SGSM3: variants seen among roughly 807,000 people sequenced by gnomAD.
SGSM3 encodes RUN and SH3 containing 3.
In SGSM3, 96 loss-of-function variants were observed where a neutral mutation model predicts 100.5. The observed-to-expected ratio is 0.96, with a 90% CI of 0.81 to 1.13. SGSM3 has a LOEUF of 1.13. Among genes scored for constraint, SGSM3 ranks in the 50% most tolerant of loss-of-function variants. The pLI, the probability that SGSM3 is intolerant of heterozygous loss-of-function variation, is 0.00. For synonymous variants in SGSM3, 483 were observed against 422.8 expected, an observed-to-expected ratio of 1.14 and a Z score of -1.75; for missense variants, 1,001 against 1,015.8, an observed-to-expected ratio of 0.99 and a Z score of 0.20.
rs763580667 is a variant in SGSM3 at position 40,405,881 on chromosome 22, G to A, written c.814+37G>A. 6 of 1,584,720 alleles carry A rather than the reference G, an allele frequency of 3.8e-6. No individual in the cohort carries two copies. The East Asian group carries it at 1.1e-4, about 30-fold the overall frequency. Reference sequence around the variant, plus strand: ...CTGAGCCACTGGCTCCCATTCTGCAGCTTGGAGGACTCAGGCGGGTGGCCG... The same window carrying A: ...CTGAGCCACTGGCTCCCATTCTGCAACTTGGAGGACTCAGGCGGGTGGCCG... On this transcript the variant is annotated intron_variant, in intron 8 of 21. Transcript: ENST00000248929.
intron 4 of SGSM3, among the ~76,000 whole-genome samples, chr22:40,402,998 G>T (rs1252650097): frequency 1.3e-5 from 2 of 152,136 alleles, no homozygotes; most frequent in Non-Finnish European, 2.9e-5. Flanking sequence ...AGTTTTCCTT[G>T]TTCTTCTGAT....
chr22:40,404,176 G>A (rs894284875), intron 4 of SGSM3, 71 bp from the exon 5 acceptor site: 86 of 1,321,414 alleles, frequency 6.5e-5, no homozygotes, highest in South Asian at 4.7e-4. Flanking sequence ...TCCTGAAGAC[G>A]GAGGCTTGGC....
chr22:40,405,171 A>T lies in SGSM3; in HGVS notation c.505A>T (p.Ser169Cys). 1.3e-6 allele frequency: 2 copies of T among 1,569,942 alleles called. No homozygotes were observed. The highest frequency in any genetic ancestry group is 1.7e-6 in the Non-Finnish European group (2 of 1,157,236). ...GAAGGACCTGCTCCGCACCATGCCC[A>T]GCAACGCCTGCTTCGCCAGCATGGG... Reference protein sequence around the residue: ...IEKDLLRTMPSNACFASMGSI... With the variant: ...IEKDLLRTMPCNACFASMGSI... Residue 169 changes from serine to cysteine, a missense_variant, in exon 7 of 22, where the codon AGC (serine) becomes TGC (cysteine). By Grantham distance (112) the Ser-to-Cys change is moderately radical (BLOSUM62 -1). Transcript: ENST00000248929.
chr22:40,388,053 G>T (rs1473821177), intron 1 of SGSM3: 2 of 152,212 alleles, frequency 1.3e-5, no homozygotes, highest in Admixed American at 1.3e-4. Context: ...CTGTCACAAA[G>T]AAAATATTGA....
Position 40,406,497 on chromosome 22 carries a change from C to A in SGSM3, c.1020C>A (p.Ile340=), listed in dbSNP as rs137975783. ...CCATCTTCAACACGCTATCGGATAT[C>A]CCGTCGCAGATGGAGGACGCGGAGC... ...SASIFNTLSD[I]PSQMEDAELL... The change falls in exon 10 of 22, where the codon ATC becomes ATA. Residue 340 remains isoleucine, a synonymous_variant. Coordinates refer to ENST00000248929, the MANE Select transcript of SGSM3 (RefSeq NM_015705.6). The A allele has an allele frequency of 1.2e-6, 2 of 1,611,306 alleles. No homozygotes were observed. Among genetic ancestry groups the A allele is most frequent in the South Asian group, 1.1e-5 (1 of 90,914 alleles).
At position 40,386,327 on chromosome 22, in the gene SGSM3, T is replaced by C. The variant is rs569286328; in HGVS notation, c.-111-14369T>C. ...CAGCATTATTAAGTGTGAAATAATA[T>C]AAAGATATGGACTGCTTAACCCTAA... On this transcript the variant is annotated intron_variant, in intron 1 of 21. Transcript: ENST00000248929. Among the ~76,000 whole-genome samples, 4 of 152,300 alleles carry C rather than the reference T, an allele frequency of 2.6e-5. No individual in the cohort carries two copies. In the South Asian group the frequency reaches 8.3e-4, roughly 32 times the overall value.
rs2051679753 is a variant in SGSM3, at chr22:40,407,139, G to A, written c.1241-62G>A. The A allele has an allele frequency of 6.2e-7, 1 of 1,611,998 alleles. No homozygotes were observed. Among genetic ancestry groups the A allele is most frequent in the Admixed American group, 1.7e-5 (1 of 59,764 alleles). On this transcript the variant is annotated intron_variant, in intron 11 of 21. Coordinates refer to ENST00000248929, the MANE Select transcript of SGSM3 (RefSeq NM_015705.6). This position sits in a 1 kb window ranked among gnomAD's most constrained non-coding sequence, Gnocchi z 4.7. ...TCTGTCCTCACGCTCATGTGGACGT[G>A]GAGCTTCCTCCTCGGGGGCCTGGAG...
chr22:40,409,661 G>T, intron 21 of SGSM3, 21 bp from the exon 22 acceptor site: 1 of 1,613,278 alleles, frequency 6.2e-7, no homozygotes, highest in Non-Finnish European at 8.5e-7. Context: ...CCTGTGAGGT[G>T]AGGGGCTGCC....
intron 3 of SGSM3, 77 bp from the exon 4 acceptor site, chr22:40,402,062 C>G: frequency 8.8e-7 from 1 of 1,136,438 alleles, no homozygotes; most frequent in Non-Finnish European, 1.3e-6. Context: ...GCAGGCAACC[C>G]TGTGGGTGGC....
intron 1 of SGSM3, among the ~76,000 whole-genome samples, chr22:40,372,200 C>T (rs1368833763): frequency 7.3e-6 from 1 of 137,702 alleles, no homozygotes; most frequent in Non-Finnish European, 1.5e-5. Context: ...GATCTCGGCT[C>T]ACTGCAAGCT....
At chr22:40,371,980 G>A (rs112310939) in intron 1 of SGSM3, among the ~76,000 whole-genome samples, 4 of 152,238 alleles carry the variant, frequency 2.6e-5, no homozygotes, top group African/African-American at 7.2e-5. Context: ...GATTACAGGC[G>A]TGAGCCACTG....
chr22:40,387,688 CT>C (rs780023637), intron 1 of SGSM3, among the ~76,000 whole-genome samples: 8 of 152,148 alleles, frequency 5.3e-5, no homozygotes, highest in Non-Finnish European at 1.0e-4. Context: ...TCCCCCACCC[CT>C]GGTAGTGGGA....
At chr22:40,374,898 G>C (rs2046298744) in intron 1 of SGSM3, among the ~76,000 whole-genome samples, 2 of 152,108 alleles carry the variant, frequency 1.3e-5, no homozygotes, top group African/African-American at 4.8e-5. Context: ...CAAACACATT[G>C]TACCAGTACT....
At chr22:40,398,995 T>G (rs1384603504) in intron 1 of SGSM3, among the ~76,000 whole-genome samples, 1 of 139,372 alleles carries the variant, frequency 7.2e-6, no homozygotes, top group Non-Finnish European at 1.5e-5. Flanking sequence ...CTTTACTTTT[T>G]TTTTTTGAGA....
Position 40,408,339 on chromosome 22 carries a change from C to T in SGSM3, c.1692C>T (p.Leu564=). ...TCACAGACCTCGTGCGAGGGACCCT[C>T]TGCCCGGCCCTTAAGGCCCTGTTCG... The part of the protein sequence containing the change: ...EGVTDLVRGT[L]CPALKALFEH... Residue 564 remains leucine (L), a synonymous_variant, in exon 16 of 22, where the codon CTC becomes CTT. Transcript: ENST00000248929. 6 of 1,613,592 alleles carry T rather than the reference C, an allele frequency of 3.7e-6. No individual in the cohort carries two copies. Among genetic ancestry groups the T allele is most frequent in the Non-Finnish European group, 5.1e-6 (6 of 1,180,010 alleles).
chr22:40,401,355 G>C (rs1475462241), intron 2 of SGSM3, among the ~76,000 whole-genome samples: 2 of 152,130 alleles, frequency 1.3e-5, no homozygotes, highest in African/African-American at 4.8e-5. Context: ...TTGGGTTCAA[G>C]CTATTCTCCT....
intron 1 of SGSM3, among the ~76,000 whole-genome samples, chr22:40,393,126 T>C (rs2049575652): frequency 6.6e-6 from 1 of 152,244 alleles, no homozygotes; most frequent in Non-Finnish European, 1.5e-5. Flanking sequence ...ATTTTACTTT[T>C]TTCTTTTTTG....
At chr22:40,372,650 A>C (rs1248954999) in intron 1 of SGSM3, 1 of 152,208 alleles carries the variant, frequency 6.6e-6, no homozygotes, top group African/African-American at 2.4e-5. Context: ...AATGAACCCG[A>C]CATTAGGGTG....
intron 1 of SGSM3, among the ~76,000 whole-genome samples, chr22:40,396,592 CAAAAAA>C (rs778373023): frequency 7.0e-4 from 31 of 44,450 alleles, no homozygotes; most frequent in Admixed American, 4.5e-3. Flanking sequence ...GACTCTGTCT[CAAAAAA>C]AAAAAAAAAA....
Sources: gnomAD v4.1 joint callset for allele counts (sites outside exome capture counted in the v4.1 genomes callset) on GRCh38, gnomAD v4.1.1 for gene constraint, Gnocchi (gnomAD v3.1) non-coding constraint, MANE v1.5 for transcripts, NCBI Gene and HGNC (gene_info 2026-07-23, HGNC 2026-07-21) for gene names.